Variants in PCDH9 observed in about 807,000 individuals in gnomAD.
The protein encoded by PCDH9 is protocadherin-9.
Under a neutral mutation model 70.6 loss-of-function variants are expected in PCDH9, and 24 were observed. The observed-to-expected ratio is 0.34, with a 90% CI of 0.25 to 0.48. The LOEUF (loss-of-function observed/expected upper bound fraction) is 0.48. PCDH9 is among the 20% of genes least tolerant of loss of function. PCDH9 has a pLI of 0.99. For missense variants in PCDH9, 1,281 were observed against 1,503.6 expected (o/e 0.85, Z 2.45); for synonymous variants, 562 against 558.5 (o/e 1.01, Z -0.09).
chr13:66,509,650 A>G (rs1037584930), intron 4 of PCDH9, among the ~76,000 whole-genome samples: 2 of 152,058 alleles, frequency 1.3e-5, no homozygotes, highest in Non-Finnish European at 2.9e-5. Context: ...ACAAGGTCTC[A>G]TTATGTTGTT....
rs1336598493 is a variant in PCDH9, at chr13:66,595,075, A to AT, written c.3340+36134dup. Among the ~76,000 whole-genome samples, 8 of 151,348 alleles carry AT rather than the reference A, an allele frequency of 5.3e-5. No homozygotes were observed. In the East Asian group the frequency reaches 7.8e-4, roughly 15 times the overall value. The stretch of plus-strand genomic sequence containing the variant: ...TGCACACACACACACAAACACACAC[A>AT]TTTTTTTGAAAACTATATAGGCCTC... On this transcript the variant is annotated intron_variant, in intron 4 of 4. Coordinates refer to ENST00000377865, the MANE Select transcript of PCDH9 (RefSeq NM_203487.3).
intron 2 of PCDH9, among the ~76,000 whole-genome samples, chr13:66,977,224 G>A (rs2083638057): frequency 2.6e-5 from 4 of 151,988 alleles, no homozygotes; most frequent in African/African-American, 9.6e-5. Context: ...TTGACATTTG[G>A]GGGATCTCGT....
intron 4 of PCDH9, among the ~76,000 whole-genome samples, chr13:66,551,731 T>A (rs1208219418): frequency 6.6e-6 from 1 of 152,146 alleles, no homozygotes. Context: ...CAGCTATCAG[T>A]GTACATTTGT....
intron 2 of PCDH9, among the ~76,000 whole-genome samples, chr13:67,113,614 C>T (rs896675961): frequency 2.0e-5 from 3 of 151,790 alleles, no homozygotes; most frequent in Admixed American, 1.3e-4. Context: ...GTGGCGCCAT[C>T]TCGGCTCACT....
At chr13:66,462,206 A>C (rs1416756678) in intron 4 of PCDH9, among the ~76,000 whole-genome samples, 1 of 151,892 alleles carries the variant, frequency 6.6e-6, no homozygotes, top group Non-Finnish European at 1.5e-5. Context: ...ACAGTGCTAT[A>C]GGTGGCAAAC....
chr13:67,066,630 T>A (rs965054444), intron 2 of PCDH9, among the ~76,000 whole-genome samples: 1 of 152,184 alleles, frequency 6.6e-6, no homozygotes, highest in Non-Finnish European at 1.5e-5. Flanking sequence ...AATATATGAC[T>A]AAAATAAATG....
chr13:67,220,385 G>A (rs1476624034), intron 2 of PCDH9: 1 of 151,862 alleles, frequency 6.6e-6, no homozygotes, highest in Non-Finnish European at 1.5e-5. Flanking sequence ...ATAAATCATA[G>A]TTAATTATGA....
intron 4 of PCDH9, among the ~76,000 whole-genome samples, chr13:66,463,920 T>A: frequency 6.6e-6 from 1 of 151,756 alleles, no homozygotes; most frequent in East Asian, 1.9e-4. Flanking sequence ...AACATATGAT[T>A]AGATGTCTAG....
intron 2 of PCDH9, among the ~76,000 whole-genome samples, chr13:66,905,689 A>G (rs777840145): frequency 5.9e-4 from 86 of 145,592 alleles, no homozygotes; most frequent in African/African-American, 1.8e-3. Context: ...ATATATCATA[A>G]AAGTGTCTGA....
At chr13:66,542,828 G>A (rs1220378277) in intron 4 of PCDH9, among the ~76,000 whole-genome samples, 2 of 146,446 alleles carry the variant, frequency 1.4e-5, no homozygotes, top group African/African-American at 5.0e-5. Flanking sequence ...TCTCCCATTG[G>A]TTCTGATTCT....
chr13:67,141,768 G>A (rs9571719), intron 2 of PCDH9, among the ~76,000 whole-genome samples: 53,854 of 111,178 alleles, frequency 0.48, 10,507 homozygotes, highest in African/African-American at 0.58. Context: ...AAAAAAAAAA[G>A]AAGTTGGGAA....
At chr13:66,358,649 T>G (rs528842014) in intron 4 of PCDH9, among the ~76,000 whole-genome samples, 1 of 152,016 alleles carries the variant, frequency 6.6e-6, no homozygotes, top group East Asian at 1.9e-4. Context: ...GATTTCAATA[T>G]TAGTATAAAA....
chr13:66,820,094 A>C (rs2080683340), intron 3 of PCDH9, among the ~76,000 whole-genome samples: 1 of 152,138 alleles, frequency 6.6e-6, no homozygotes, highest in Non-Finnish European at 1.5e-5. Flanking sequence ...TTTTATATTG[A>C]ATTTGTTCCA....
At chr13:67,200,984 C>T (rs977146351) in intron 2 of PCDH9, 7 of 151,978 alleles carry the variant, frequency 4.6e-5, no homozygotes, top group East Asian at 1.9e-4. Context: ...AAAGTTTTCA[C>T]GAACAAATTC....
chr13:66,491,007 A>T (rs985969427), intron 4 of PCDH9, among the ~76,000 whole-genome samples: 6 of 152,206 alleles, frequency 3.9e-5, no homozygotes, highest in African/African-American at 1.4e-4. Context: ...TATAGAAATG[A>T]GATATACTCT....
chr13:66,342,085 G>C lies in PCDH9; in HGVS notation c.3341-37057C>G, dbSNP rs1956137294. Among the ~76,000 whole-genome samples the C allele has an allele frequency of 4.6e-5, 7 of 152,106 alleles. No individual in the cohort carries two copies. In the South Asian group the frequency reaches 1.4e-3, roughly 31 times the overall value. ...AGAGAAACTTGACATCATTATTTCTGAATAGGAAAGAACTTTTATTAAAAC... is the reference window on the plus strand; with the variant it reads ...AGAGAAACTTGACATCATTATTTCTCAATAGGAAAGAACTTTTATTAAAAC... On this transcript the variant is annotated intron_variant, in intron 4 of 4. Transcript: ENST00000377865.
chr13:66,307,943 T>C (rs1955495296), intron 4 of PCDH9, among the ~76,000 whole-genome samples: 1 of 152,122 alleles, frequency 6.6e-6, no homozygotes, highest in Non-Finnish European at 1.5e-5. Context: ...AACATTTATT[T>C]ATTCCACGAA....
At chr13:66,807,134 C>T (rs1384704335) in intron 3 of PCDH9, among the ~76,000 whole-genome samples, 1 of 152,112 alleles carries the variant, frequency 6.6e-6, no homozygotes, top group Non-Finnish European at 1.5e-5. Context: ...AATCTTCAAC[C>T]ATCTTACTCC....
chr13:67,174,540 A>G (rs2088394179), intron 2 of PCDH9, among the ~76,000 whole-genome samples: 1 of 152,156 alleles, frequency 6.6e-6, no homozygotes, highest in Non-Finnish European at 1.5e-5. Flanking sequence ...GAGTGACGTG[A>G]GATAAGATTA....
Sources: gnomAD v4.1 joint callset for allele counts (sites outside exome capture counted in the v4.1 genomes callset) on GRCh38, gnomAD v4.1.1 for gene constraint, MANE v1.5 for transcripts, NCBI Gene and HGNC (gene_info 2026-07-23, HGNC 2026-07-21) for gene names.